The following OR4D9 variants were observed in gnomAD, a reference collection of about 807,000 sequenced individuals.
The protein encoded by OR4D9 is olfactory receptor family 4 subfamily D member 9, also known as olfactory receptor 4D9.
Under a neutral mutation model 0.8 loss-of-function variants are expected in OR4D9, and 2 were observed. The observed-to-expected ratio is 2.58, with a 90% confidence interval of 1.06 to 8.13. The LOEUF (loss-of-function observed/expected upper bound fraction) is 8.13. Ranked by LOEUF, OR4D9 falls within the 30% of genes most tolerant of loss-of-function variation. OR4D9 has a pLI of 0.04. For missense variants in OR4D9, 399 were observed against 384.7 expected, an observed-to-expected ratio of 1.04 and a Z score of -0.31; for synonymous variants, 146 against 151.2, an observed-to-expected ratio of 0.97 and a Z score of 0.25.
At chr11:59,512,715 C>G (rs952663079) in intron 1 of OR4D9, among the ~76,000 whole-genome samples, 4 of 151,398 alleles carry the variant, frequency 2.6e-5, no homozygotes, top group African/African-American at 7.3e-5. Context: ...ACCTGTAGTC[C>G]CAGCTACTGG....
rs1011112305 is a variant in OR4D9, at chr11:59,515,669, C to A, written c.757C>A (p.Pro253Thr). 6.2e-7 allele frequency: 1 copy of A among 1,614,174 alleles called. No individual in the cohort carries two copies. Among genetic ancestry groups the A allele is most frequent in the Non-Finnish European group, 8.5e-7 (1 of 1,180,024 alleles). ...HITVVTLHFVPCIYVYARPFT... is the reference protein window; with the variant it reads ...HITVVTLHFVTCIYVYARPFT... ...CACCGTGGTGACCCTGCATTTCGTG[C>A]CCTGCATCTATGTCTATGCCCGGCC... is the stretch of plus-strand genomic sequence containing the variant. Residue 253 changes from proline (P) to threonine (T), a missense_variant, in exon 3 of 3, where the codon CCC (proline) becomes ACC (threonine). By Grantham distance (38) the Pro-to-Thr change is conservative. Transcript: ENST00000641962.
rs1859431012 is a variant in OR4D9, at chr11:59,518,327, G to A, written c.*2470G>A. ...CAACAAAAGTTTACTTCTTGCTCAT[G>A]TCACAGGCCAATGCTGGTCTGCAGA... On this transcript the variant is annotated 3_prime_UTR_variant, in exon 3 of 3. Coordinates refer to ENST00000641962, the MANE Select transcript of OR4D9 (RefSeq NM_001004711.2). 1 of 152,210 alleles carries A rather than the reference G, an allele frequency of 6.6e-6. No individual in the cohort carries two copies. The highest frequency in any genetic ancestry group is 6.5e-5 in the Admixed American group (1 of 15,280). 9.4% of individuals were successfully genotyped at this position (152,210 alleles called of 1,614,324 possible).
Position 59,511,600 on chromosome 11 carries a change from T to TC in OR4D9, c.-268dup, listed in dbSNP as rs1859328770. 6.6e-6 allele frequency: 1 copy of TC among 152,224 alleles called. No individual in the cohort carries two copies. Among genetic ancestry groups the TC allele is most frequent in the Admixed American group, 6.5e-5 (1 of 15,280 alleles). 9.4% of individuals were successfully genotyped at this position (152,224 alleles called of 1,614,324 possible). On this transcript the variant is annotated 5_prime_UTR_variant, in exon 1 of 3. It introduces an in-frame stop codon into an upstream open reading frame of the 5' UTR. Transcript: ENST00000641962. ...CTGAGGCATCATAAGAGGATCAATT[T>TC]CCCACTTAAAGATTAAACCAGCAGT... is the stretch of plus-strand genomic sequence containing the variant.
At position 59,515,721 on chromosome 11, in the gene OR4D9, C is replaced by T. The variant is rs750551328; in HGVS notation, c.809C>T (p.Ala270Val). 9.3e-6 allele frequency: 15 copies of T among 1,614,014 alleles called. 1 individual carries two copies. The South Asian group carries it at 1.6e-4, about 18-fold the overall frequency. ...TTCACTGCCCTCCCCACAGACACTG[C>T]CATCTCTGTCACCTTCACTGTCATC... ...RPFTALPTDT[A>V]ISVTFTVISP... The change falls in exon 3 of 3, where the codon GCC (alanine) becomes GTC (valine). Residue 270 changes from alanine (A) to valine (V), a missense_variant. Ala to Val is a moderately conservative substitution (Grantham distance 64). Coordinates refer to ENST00000641962, the MANE Select transcript of OR4D9 (RefSeq NM_001004711.2).
chr11:59,515,763 C>T lies in OR4D9; in HGVS notation c.851C>T (p.Pro284Leu), dbSNP rs920406148. 3 of 1,614,094 alleles carry T rather than the reference C, an allele frequency of 1.9e-6. No individual in the cohort carries two copies. Among genetic ancestry groups the T allele is most frequent in the Admixed American group, 1.7e-5 (1 of 59,996 alleles). Reference protein sequence around the residue: ...TFTVISPLLNPIIYTLRNQEM... With the variant: ...TFTVISPLLNLIIYTLRNQEM... The stretch of plus-strand genomic sequence containing the variant: ...ACTGTCATCTCCCCTTTGCTCAATC[C>T]TATAATTTACACGCTGAGGAATCAG... The change falls in exon 3 of 3, where the codon CCT becomes CTT. Residue 284 changes from proline to leucine, a missense_variant. By Grantham distance (98) the Pro-to-Leu change is moderately conservative (BLOSUM62 -3). Transcript: ENST00000641962.
intron 1 of OR4D9, among the ~76,000 whole-genome samples, chr11:59,512,669 A>G (rs975946722): frequency 9.5e-5 from 6 of 63,448 alleles, no homozygotes; most frequent in African/African-American, 3.9e-4. Flanking sequence ...TTGTAAAAAT[A>G]CAAAAAAAAA....
intron 1 of OR4D9, among the ~76,000 whole-genome samples, chr11:59,511,952 A>G (rs1016780441): frequency 2.0e-5 from 3 of 152,206 alleles, no homozygotes; most frequent in African/African-American, 7.2e-5. Context: ...TGAGTTTAGT[A>G]GATGCAGTTT....
intron 1 of OR4D9, among the ~76,000 whole-genome samples, chr11:59,513,290 C>G (rs186260501): frequency 6.6e-6 from 1 of 152,060 alleles, no homozygotes; most frequent in Admixed American, 6.6e-5. Flanking sequence ...GGCCAGGCCT[C>G]CACTCACCTC....
intron 1 of OR4D9, 34 bp from the exon 2 acceptor site, chr11:59,514,639 G>A (rs976012752): frequency 3.3e-5 from 11 of 337,326 alleles, no homozygotes; most frequent in African/African-American, 2.3e-4. Context: ...AAGTACAATT[G>A]AATAGATTCA....
rs1375141459 is a variant in OR4D9, at chr11:59,519,516, G to C, written c.*3659G>C. ...GGATTAGGATGACAGTAGACTAGAAGGGCAGGGTTCCATGAGATAGAACAT... is the reference window on the plus strand; with the variant it reads ...GGATTAGGATGACAGTAGACTAGAACGGCAGGGTTCCATGAGATAGAACAT... On this transcript the variant is annotated 3_prime_UTR_variant, in exon 3 of 3. Coordinates refer to ENST00000641962, the MANE Select transcript of OR4D9 (RefSeq NM_001004711.2). 6.6e-6 allele frequency: 1 copy of C among 152,152 alleles called. No homozygotes were observed. Among genetic ancestry groups the C allele is most frequent in the African/African-American group, 2.4e-5 (1 of 41,418 alleles). The allele number at this position is 152,152 out of a possible 1,614,324, so 9.4% of individuals were successfully genotyped here. A position where few individuals can be genotyped will look rare whatever the true frequency, so the allele number is the denominator to read the frequency against.
Position 59,516,132 on chromosome 11 carries a change from G to A in OR4D9, c.*275G>A. 3.3e-6 allele frequency: 1 copy of A among 300,598 alleles called. No individual in the cohort carries two copies. 18.6% of individuals were successfully genotyped at this position (300,598 alleles called of 1,614,324 possible). On this transcript the variant is annotated 3_prime_UTR_variant, in exon 3 of 3. Transcript: ENST00000641962. ...TGAAAGTACTGGGATTCAGATTGCT[G>A]CAAAAAGATTAAATGTAGTCACCTT...
rs1378218061 is a variant in OR4D9, at chr11:59,519,424, A to G, written c.*3567A>G. On this transcript the variant is annotated 3_prime_UTR_variant, in exon 3 of 3. Transcript: ENST00000641962. ...TAGAACACACAGAGAGCCAAACCGA[A>G]ATGAAGGAGATGGGGGAAAATTTTT... is the stretch of plus-strand genomic sequence containing the variant. 2.0e-5 allele frequency: 3 copies of G among 152,186 alleles called. No individual in the cohort carries two copies. The East Asian group carries it at 5.8e-4, about 29-fold the overall frequency. The allele number at this position is 152,186 out of a possible 1,614,324, so 9.4% of individuals were successfully genotyped here.
rs1179193186 is a variant in OR4D9 at position 59,519,701 on chromosome 11, G to A, written c.*3844G>A. ...TTCTCCAAAACTACCATTTGACGCA[G>A]CAATCCCATTGCTGGGTATATACCC... On this transcript the variant is annotated 3_prime_UTR_variant, in exon 3 of 3. Coordinates refer to ENST00000641962, the MANE Select transcript of OR4D9 (RefSeq NM_001004711.2). The A allele has an allele frequency of 1.3e-5, 2 of 152,126 alleles. No homozygotes were observed. The highest frequency in any genetic ancestry group is 3.9e-4 in the East Asian group (2 of 5,192). 9.4% of individuals were successfully genotyped at this position (152,126 alleles called of 1,614,324 possible). A position where few individuals can be genotyped will look rare whatever the true frequency, so the allele number is the denominator to read the frequency against.
chr11:59,514,082 T>A (rs918597915), intron 1 of OR4D9, among the ~76,000 whole-genome samples: 1 of 152,242 alleles, frequency 6.6e-6, no homozygotes, highest in Non-Finnish European at 1.5e-5. Context: ...GATATATAGG[T>A]AATGATATAC....
In OR4D9 at chr11:59,514,996, T is replaced by G. The variant is rs1859381329; in HGVS notation, c.84T>G (p.Phe28Leu). The G allele has an allele frequency of 1.2e-6, 2 of 1,614,030 alleles. No individual in the cohort carries two copies. The highest frequency in any genetic ancestry group is 1.7e-6 in the Non-Finnish European group (2 of 1,179,986). Residue 28 changes from phenylalanine to leucine, a missense_variant, in exon 3 of 3, where the codon TTT (phenylalanine) becomes TTG (leucine). Coordinates refer to ENST00000641962, the MANE Select transcript of OR4D9 (RefSeq NM_001004711.2). ...CCCGAGAACTGAGCCAGGTCTTATT[T>G]ACCTTCCTGTTTTTGGTGTACATGA... Reference protein sequence around the residue: ...TQSRELSQVLFTFLFLVYMTT... With the variant: ...TQSRELSQVLLTFLFLVYMTT...
In OR4D9 at chr11:59,519,810, C is replaced by T. The variant is rs1439508650; in HGVS notation, c.*3953C>T. On this transcript the variant is annotated 3_prime_UTR_variant, in exon 3 of 3. Coordinates refer to ENST00000641962, the MANE Select transcript of OR4D9 (RefSeq NM_001004711.2). ...AAGACAAGGAATCAGCCTAGGTGCC[C>T]ATCAATGGTGGACTAGATGAAGAAA... 1 of 152,126 alleles carries T rather than the reference C, an allele frequency of 6.6e-6. No individual in the cohort carries two copies. Among genetic ancestry groups the T allele is most frequent in the Non-Finnish European group, 1.5e-5 (1 of 68,026 alleles). 9.4% of individuals were successfully genotyped at this position (152,126 alleles called of 1,614,324 possible).
intron 1 of OR4D9, among the ~76,000 whole-genome samples, chr11:59,512,557 C>T (rs1318245728): frequency 6.6e-6 from 1 of 151,624 alleles, no homozygotes; most frequent in East Asian, 1.9e-4. Flanking sequence ...GTCACAGTGG[C>T]CCATGCCTGT....
At position 59,515,873 on chromosome 11, in the gene OR4D9, C is replaced by G. The variant is rs745519600; in HGVS notation, c.*16C>G. 3.9e-6 allele frequency: 6 copies of G among 1,532,708 alleles called. No individual in the cohort carries two copies. In the East Asian group the frequency reaches 1.4e-4, roughly 35 times the overall value. The allele number at this position is 1,532,708 out of a possible 1,614,324, so 94.9% of individuals were successfully genotyped here. On this transcript the variant is annotated 3_prime_UTR_variant, in exon 3 of 3. Transcript: ENST00000641962. ...AATTCAATAAGGGTAAGATAGTACC[C>G]ATATTTAAAGATAGACATTAAATTT...
At position 59,515,566 on chromosome 11, in the gene OR4D9, C is replaced by T; in HGVS notation, c.654C>T (p.Tyr218=). 1 of 1,614,174 alleles carries T rather than the reference C, an allele frequency of 6.2e-7. No homozygotes were observed. The highest frequency in any genetic ancestry group is 2.2e-5 in the East Asian group (1 of 44,884). ...TATTCTTCTTTCTCCTCATATCTTA[C>T]ACGGTCATCTTGATGATGCTGAGGT... ...WFVFFFLLIS[Y]TVILMMLRSH... The change falls in exon 3 of 3, where the codon TAC becomes TAT. Residue 218 remains tyrosine (Y), a synonymous_variant. Coordinates refer to ENST00000641962, the MANE Select transcript of OR4D9 (RefSeq NM_001004711.2).
Sources: allele counts gnomAD v4.1 joint callset (sites outside exome capture counted in the v4.1 genomes callset), GRCh38; gene constraint gnomAD v4.1.1; transcripts MANE v1.5; gene names NCBI Gene and HGNC (gene_info 2026-07-23, HGNC 2026-07-21).